TRIM38: variants seen among roughly 807,000 people sequenced by gnomAD.
The protein encoded by TRIM38 is E3 ubiquitin-protein ligase TRIM38.
In TRIM38, 35 loss-of-function variants were observed where a neutral mutation model predicts 35.8. The ratio of observed to expected loss-of-function variants is 0.98; its 90% confidence interval spans 0.75 to 1.30. TRIM38 has a LOEUF of 1.30. TRIM38 is among the 50% of genes most tolerant of loss of function. The probability of loss-of-function intolerance (pLI) is 0.00; values close to 1 mark genes in which losing one functional copy is unlikely to be tolerated. For synonymous variants in TRIM38, 198 were observed against 204.7 expected (o/e 0.97, Z 0.28); for missense variants, 545 against 556.9 (o/e 0.98, Z 0.21).
At chr6:25,965,923 A>T (rs1169725185) in intron 2 of TRIM38, among the ~76,000 whole-genome samples, 1 of 140,516 alleles carries the variant, frequency 7.1e-6, no homozygotes, top group African/African-American at 2.6e-5. Flanking sequence ...CCGTCTCATT[A>T]AAAAAAAAAA....
In TRIM38 at chr6:25,983,322, G is replaced by C. The variant is rs755260932; in HGVS notation, c.1033G>C (p.Gly345Arg). The stretch of plus-strand genomic sequence containing the variant: ...CTTGGGTTGTGAAGGCTTCACCTCA[G>C]GAAGACGTTACTTTGAAGTGGATGT... ...CVLGCEGFTS[G>R]RRYFEVDVGE... is the part of the protein sequence containing the mutation. Residue 345 changes from glycine (G) to arginine (R), a missense_variant, in exon 8 of 8, where the codon GGA becomes CGA. Transcript: ENST00000357085. 6.2e-7 allele frequency: 1 copy of C among 1,614,128 alleles called. No individual in the cohort carries two copies. Among genetic ancestry groups the C allele is most frequent in the South Asian group, 1.1e-5 (1 of 91,076 alleles).
At chr6:25,970,106 C>T (rs1038932931) in intron 4 of TRIM38, among the ~76,000 whole-genome samples, 3 of 151,790 alleles carry the variant, frequency 2.0e-5, no homozygotes, top group Admixed American at 6.6e-5. Context: ...TTAGTAGAGA[C>T]GGGGTTTCAC....
chr6:25,986,144 A>G lies in TRIM38; in HGVS notation c.*2457A>G, dbSNP rs1373407019. On this transcript the variant is annotated 3_prime_UTR_variant, in exon 8 of 8. Transcript: ENST00000357085. ...GAAGAATTAGATGCAAATAAATTTGAAAACCTTTAAAAAGAAACCAATGGC... is the reference window on the plus strand; with the variant it reads ...GAAGAATTAGATGCAAATAAATTTGGAAACCTTTAAAAAGAAACCAATGGC... 1 of 152,228 alleles carries G rather than the reference A, an allele frequency of 6.6e-6. No homozygotes were observed. The highest frequency in any genetic ancestry group is 1.5e-5 in the Non-Finnish European group (1 of 68,040). The allele number at this position is 152,228 out of a possible 1,614,324, so 9.4% of individuals were successfully genotyped here. A position where few individuals can be genotyped will look rare whatever the true frequency, so the allele number is the denominator to read the frequency against.
Position 25,966,841 on chromosome 6 carries a change from GA to G in TRIM38, c.320del (p.Glu107GlyfsTer38). Reference sequence around the variant, plus strand: ...GCAGTTCCACCTGTTCTGCGAAGACGAGGGGCAGCTCATCTGCTGGCGCTGT... The same window carrying G: ...GCAGTTCCACCTGTTCTGCGAAGACGGGGGCAGCTCATCTGCTGGCGCTGT... ...GEQFHLFCED[E>X]GQLICWRCER... On this transcript the variant is annotated frameshift_variant, in exon 3 of 8. Coordinates refer to ENST00000357085, the MANE Select transcript of TRIM38 (RefSeq NM_006355.5). LOFTEE classifies it high-confidence loss of function. 1 of 1,614,194 alleles carries G rather than the reference GA, an allele frequency of 6.2e-7. No individual in the cohort carries two copies.
chr6:25,972,986 C>A (rs1043568585), intron 5 of TRIM38, 68 bp from the exon 6 acceptor site: 4 of 1,598,124 alleles, frequency 2.5e-6, no homozygotes, highest in Admixed American at 3.4e-5. Context: ...AGAAGAATAG[C>A]CCTGCATGAC....
At chr6:25,973,365 G>T in intron 7 of TRIM38, 80 bp downstream of exon 7, 1 of 1,552,564 alleles carries the variant, frequency 6.4e-7, no homozygotes. Flanking sequence ...CTGTCCCTTG[G>T]CAGGCTCACA....
rs1760723571 is a variant in TRIM38 at position 25,986,868 on chromosome 6, T to C, written c.*3181T>C. Reference sequence around the variant, plus strand: ...GCCATCATACTCACAACCCAAGTTGTAGGATGGAAAAAAGGACACAAAAGT... The same window carrying C: ...GCCATCATACTCACAACCCAAGTTGCAGGATGGAAAAAAGGACACAAAAGT... On this transcript the variant is annotated 3_prime_UTR_variant, in exon 8 of 8. Transcript: ENST00000357085. 6.6e-6 allele frequency: 1 copy of C among 152,050 alleles called. No homozygotes were observed. The highest frequency in any genetic ancestry group is 1.5e-5 in the Non-Finnish European group (1 of 68,006). The allele number at this position is 152,050 out of a possible 1,614,324, so 9.4% of individuals were successfully genotyped here.
chr6:25,973,331 T>C, intron 7 of TRIM38, 46 bp downstream of exon 7: 1 of 1,590,360 alleles, frequency 6.3e-7, no homozygotes, highest in Non-Finnish European at 8.6e-7. Context: ...AGAAGGGGCC[T>C]TATGCAGTAA....
chr6:25,980,295 A>C (rs36012762), intron 7 of TRIM38, among the ~76,000 whole-genome samples: 14,271 of 152,210 alleles, frequency 0.094, 709 homozygotes, highest in African/African-American at 0.12. Context: ...AGATTTGTCC[A>C]TTTCTCCTAT....
At chr6:25,973,453 G>A (rs867327329) in intron 7 of TRIM38, 168 bp downstream of exon 7, 4 of 985,344 alleles carry the variant, frequency 4.1e-6, no homozygotes, top group Middle Eastern at 5.2e-4. Flanking sequence ...CTCAGTGAAT[G>A]TGATGAGCAT....
At chr6:25,975,698 C>T (rs1760371243) in intron 7 of TRIM38, 2 of 978,198 alleles carry the variant, frequency 2.0e-6, no homozygotes, top group South Asian at 4.7e-5. Flanking sequence ...TATATCTTTC[C>T]CTAAGTTTGT....
In TRIM38 at chr6:25,972,094, C is replaced by T. The variant is rs183539899; in HGVS notation, c.733C>T (p.Leu245=). The change falls in exon 5 of 8, where the codon CTG becomes TTG. Residue 245 remains leucine (L), a synonymous_variant. Coordinates refer to ENST00000357085, the MANE Select transcript of TRIM38 (RefSeq NM_006355.5). Reference sequence around the variant, plus strand: ...ATGTCAGGGCTCAGCCCAGAAATTGCTGCAGGTGAGGCTGTGTACTTGGAG... The same window carrying T: ...ATGTCAGGGCTCAGCCCAGAAATTGTTGCAGGTGAGGCTGTGTACTTGGAG... ...EKCQGSAQKL[L]QNVNDTLSRS... is the part of the protein sequence containing the mutation. 6.2e-7 allele frequency: 1 copy of T among 1,613,966 alleles called. No individual in the cohort carries two copies. The highest frequency in any genetic ancestry group is 2.2e-5 in the East Asian group (1 of 44,886).
In TRIM38 at chr6:25,983,879, A is replaced by G; in HGVS notation, c.*192A>G. ...GCAACTAAAAATACCACAGATGGTT[A>G]ACCTGGACTGGGGCAAAGCAAGATA... On this transcript the variant is annotated 3_prime_UTR_variant, in exon 8 of 8. Transcript: ENST00000357085. 1.8e-6 allele frequency: 1 copy of G among 561,592 alleles called. No homozygotes were observed. Among genetic ancestry groups the G allele is most frequent in the Non-Finnish European group, 3.0e-6 (1 of 329,526 alleles). The allele number at this position is 561,592 out of a possible 1,614,324, so 34.8% of individuals were successfully genotyped here.
intron 7 of TRIM38, among the ~76,000 whole-genome samples, chr6:25,981,381 CAG>C (rs1760539607): frequency 6.6e-6 from 1 of 152,258 alleles, no homozygotes; most frequent in African/African-American, 2.4e-5. Flanking sequence ...GAAGAACAAA[CAG>C]AGAGCATCCA....
At chr6:25,979,646 T>C (rs557217417) in intron 7 of TRIM38, among the ~76,000 whole-genome samples, 2 of 151,844 alleles carry the variant, frequency 1.3e-5, no homozygotes, top group African/African-American at 4.8e-5. Flanking sequence ...GCTACCTTTT[T>C]TTTTGTTTGT....
chr6:25,963,597 T>C (rs1759920492), intron 2 of TRIM38, among the ~76,000 whole-genome samples: 1 of 152,160 alleles, frequency 6.6e-6, no homozygotes, highest in Non-Finnish European at 1.5e-5. Flanking sequence ...GGAGAAGAGA[T>C]AGTAAAAGTA....
At chr6:25,964,729 T>C (rs547626667) in intron 2 of TRIM38, among the ~76,000 whole-genome samples, 13 of 152,264 alleles carry the variant, frequency 8.5e-5, no homozygotes, top group Admixed American at 1.3e-4. Context: ...AAGCTCCCCA[T>C]ACTCCTTCAA....
chr6:25,967,866 G>A (rs193081374), intron 3 of TRIM38, among the ~76,000 whole-genome samples: 134 of 152,178 alleles, frequency 8.8e-4, no homozygotes, highest in Admixed American at 2.6e-3. Flanking sequence ...ATATCAAGGA[G>A]TAAAATTCAA....
rs933196169 is a variant in TRIM38, at chr6:25,988,901, A to G, written c.*5214A>G. 5 of 152,206 alleles carry G rather than the reference A, an allele frequency of 3.3e-5. No homozygotes were observed. Among genetic ancestry groups the G allele is most frequent in the Non-Finnish European group, 7.3e-5 (5 of 68,036 alleles). The allele number at this position is 152,206 out of a possible 1,614,324, so 9.4% of individuals were successfully genotyped here. ...GGTTTTTGTGTGGAGATAAGTTTTCAATTCCTTTGGATAAATACTAAGGAG... is the reference window on the plus strand; with the variant it reads ...GGTTTTTGTGTGGAGATAAGTTTTCGATTCCTTTGGATAAATACTAAGGAG... On this transcript the variant is annotated 3_prime_UTR_variant, in exon 8 of 8. Coordinates refer to ENST00000357085, the MANE Select transcript of TRIM38 (RefSeq NM_006355.5).
Sources: allele counts gnomAD v4.1 joint callset (sites outside exome capture counted in the v4.1 genomes callset), GRCh38; gene constraint gnomAD v4.1.1; transcripts MANE v1.5; gene names NCBI Gene and HGNC (gene_info 2026-07-23, HGNC 2026-07-21).